GREB1: variants seen among roughly 807,000 people sequenced by gnomAD.
GREB1 encodes growth regulating estrogen receptor binding 1.
GREB1 carries 106 observed loss-of-function variants against 200.7 expected under a neutral mutation model. The ratio of observed to expected loss-of-function variants is 0.53; its 90% confidence interval spans 0.45 to 0.62. The LOEUF (loss-of-function observed/expected upper bound fraction) is 0.62, where lower values mean the gene tolerates loss of function less well. Among genes scored for constraint, GREB1 ranks in the 20% least tolerant of loss-of-function variants. The pLI, the probability that GREB1 is intolerant of heterozygous loss-of-function variation, is 0.00. For missense variants in GREB1, 2,243 were observed against 2,556.8 expected, an observed-to-expected ratio of 0.88 and a Z score of 2.65; for synonymous variants, 1,132 against 1,092.4, an observed-to-expected ratio of 1.04 and a Z score of -0.72.
chr2:11,630,201 G>A, intron 26 of GREB1, 92 bp downstream of exon 26: 7 of 1,245,048 alleles, frequency 5.6e-6, no homozygotes, highest in South Asian at 1.4e-5. Context: ...GTGAGGGAGT[G>A]CAGACACCGA....
At chr2:11,563,861 A>G (rs1677335700) in intron 3 of GREB1, among the ~76,000 whole-genome samples, 1 of 152,150 alleles carries the variant, frequency 6.6e-6, no homozygotes, top group East Asian at 1.9e-4. Flanking sequence ...GGGACGAGAG[A>G]TCCCTGTTTG....
rs1298641502 is a variant in GREB1 at position 11,600,810 on chromosome 2, C to T, written c.2344C>T (p.His782Tyr). 2.5e-6 allele frequency: 4 copies of T among 1,613,540 alleles called. No homozygotes were observed. Among genetic ancestry groups the T allele is most frequent in the African/African-American group, 1.3e-5 (1 of 74,918 alleles). Residue 782 changes from histidine (H) to tyrosine (Y), a missense_variant, in exon 16 of 33, where the codon CAT becomes TAT. By Grantham distance (83) the His-to-Tyr change is moderately conservative. Around this residue, in one of 3 missense-constraint regions of GREB1, gnomAD observed 1,178 missense variants for 1,387.4 expected, o/e 0.85. Transcript: ENST00000381486. The stretch of plus-strand genomic sequence containing the variant: ...CTTCTCCTCCCTCAGTAGCACTGTT[C>T]ATAACCTCTATTCTCAAAGTGACCC... Reference protein sequence around the residue: ...AHWDLVSSTVHNLYSQSDPSV... With the variant: ...AHWDLVSSTVYNLYSQSDPSV...
intron 4 of GREB1, among the ~76,000 whole-genome samples, chr2:11,573,231 C>T (rs1450108946): frequency 6.6e-6 from 1 of 152,152 alleles, no homozygotes. Context: ...CACATAGCCG[C>T]CCAGGACGTG....
Position 11,585,850 on chromosome 2 carries a change from G to T in GREB1, c.1104G>T (p.Val368=). 4 of 1,614,022 alleles carry T rather than the reference G, an allele frequency of 2.5e-6. No individual in the cohort carries two copies. Among genetic ancestry groups the T allele is most frequent in the Non-Finnish European group, 3.4e-6 (4 of 1,180,038 alleles). Residue 368 remains valine, a synonymous_variant, in exon 9 of 33, where the codon GTG becomes GTT. Coordinates refer to ENST00000381486, the MANE Select transcript of GREB1 (RefSeq NM_014668.4). ...TFPVVASGEP[V]SVPDNLLKIC... is the part of the protein sequence containing the mutation. ...CAGTGGTGGCCTCTGGAGAACCAGT[G>T]TCTGTTCCTGACAACTTGCTGAAAA...
chr2:11,502,793 T>G (rs979067791), intron 1 of GREB1, among the ~76,000 whole-genome samples: 2 of 152,216 alleles, frequency 1.3e-5, no homozygotes, highest in African/African-American at 4.8e-5. Flanking sequence ...GCACTTCATA[T>G]AGTGATGTCA....
chr2:11,512,546 T>C (rs13388093), intron 1 of GREB1, among the ~76,000 whole-genome samples: 10,715 of 152,228 alleles, frequency 0.07, 1,205 homozygotes, highest in African/African-American at 0.23. Flanking sequence ...AAAAATGACT[T>C]GTGTGTGTTT....
intron 1 of GREB1, among the ~76,000 whole-genome samples, chr2:11,542,101 G>A (rs1184860150): frequency 6.6e-6 from 1 of 151,916 alleles, no homozygotes; most frequent in Non-Finnish European, 1.5e-5. Context: ...CTTCAGGGCA[G>A]GAACTGTGTC....
chr2:11,621,172 C>T (rs1683982258), intron 23 of GREB1, among the ~76,000 whole-genome samples, 165 bp downstream of exon 23: 1 of 152,132 alleles, frequency 6.6e-6, no homozygotes, highest in African/African-American at 2.4e-5. Context: ...TCATTTTTCT[C>T]AGTATCAGGC....
intron 10 of GREB1, among the ~76,000 whole-genome samples, chr2:11,592,427 C>CAATCAG (rs397698384): frequency 2.0e-5 from 3 of 150,388 alleles, no homozygotes; most frequent in Admixed American, 2.0e-4. Flanking sequence ...TGAGGAATCA[C>CAATCAG]GTTTAACTGT....
At position 11,534,151 on chromosome 2, in the gene GREB1, T is replaced by G. The variant is rs1397892264; in HGVS notation, c.-265T>G. 6.6e-6 allele frequency: 1 copy of G among 152,186 alleles called. No individual in the cohort carries two copies. The highest frequency in any genetic ancestry group is 6.5e-5 in the Admixed American group (1 of 15,280). The allele number at this position is 152,186 out of a possible 1,614,324, so 9.4% of individuals were successfully genotyped here. A position where few individuals can be genotyped will look rare whatever the true frequency, so the allele number is the denominator to read the frequency against. On this transcript the variant is annotated 5_prime_UTR_variant, in exon 1 of 33. Coordinates refer to ENST00000381486, the MANE Select transcript of GREB1 (RefSeq NM_014668.4). ...TTTTCAATGGAAGGCTTGCAGCTCT[T>G]GAGGACCTGCCAAATGGAAGAAGGA... is the stretch of plus-strand genomic sequence containing the variant.
rs1489059864 is a variant in GREB1, at chr2:11,618,420, G to A, written c.3545G>A (p.Ser1182Asn). Reference sequence around the variant, plus strand: ...GGTGAGAAACAGAGGCCCCGGGCAAGTCAGGGGCCACCCTCGGCCATCAGC... The same window carrying A: ...GGTGAGAAACAGAGGCCCCGGGCAAATCAGGGGCCACCCTCGGCCATCAGC... ...APGEKQRPRA[S>N]QGPPSAISRH... is the part of the protein sequence containing the mutation. Residue 1182 changes from serine (S) to asparagine (N), a missense_variant, in exon 22 of 33, where the codon AGT becomes AAT. Ser to Asn is a conservative substitution (Grantham distance 46). Coordinates refer to ENST00000381486, the MANE Select transcript of GREB1 (RefSeq NM_014668.4). 3.1e-6 allele frequency: 5 copies of A among 1,609,308 alleles called. No homozygotes were observed. Among genetic ancestry groups the A allele is most frequent in the South Asian group, 1.1e-5 (1 of 90,544 alleles).
chr2:11,633,595 T>C lies in GREB1; in HGVS notation c.4991+532T>C, dbSNP rs1254667943. On this transcript the variant is annotated intron_variant, in intron 28 of 32. Coordinates refer to ENST00000381486, the MANE Select transcript of GREB1 (RefSeq NM_014668.4). The surrounding 1 kb of genome is among the most constrained non-coding windows in gnomAD (Gnocchi z 4.1). ...AAAAAAAGAAAGAAAAAAATTGTTA[T>C]TGAAGTATAATGCAGAAAATCACAC... Among the ~76,000 whole-genome samples the C allele has an allele frequency of 6.6e-6, 1 of 151,712 alleles. No homozygotes were observed. The highest frequency in any genetic ancestry group is 1.5e-5 in the Non-Finnish European group (1 of 67,932).
chr2:11,634,409 G>A, intron 29 of GREB1, 60 bp downstream of exon 29: 1 of 1,376,240 alleles, frequency 7.3e-7, no homozygotes, highest in Non-Finnish European at 1.0e-6. Flanking sequence ...AGTCCTGAGT[G>A]AGGGCAGCCT....
At chr2:11,605,818 A>G (rs994315112) in intron 17 of GREB1, among the ~76,000 whole-genome samples, 6 of 152,214 alleles carry the variant, frequency 3.9e-5, no homozygotes, top group Non-Finnish European at 7.3e-5. Context: ...ATAGAATACT[A>G]TCGTATGGCC....
intron 4 of GREB1, among the ~76,000 whole-genome samples, chr2:11,568,585 C>T (rs529711584): frequency 1.3e-5 from 2 of 152,264 alleles, no homozygotes; most frequent in African/African-American, 4.8e-5. Flanking sequence ...AGTGAGTACG[C>T]GAGGCCATGC....
intron 1 of GREB1, among the ~76,000 whole-genome samples, chr2:11,483,286 G>A (rs1345174172): frequency 6.6e-6 from 1 of 150,826 alleles, no homozygotes; most frequent in African/African-American, 2.4e-5. Context: ...GTGAGTGCGC[G>A]TGTGCGTGCG....
intron 3 of GREB1, among the ~76,000 whole-genome samples, chr2:11,565,997 T>C (rs189705578): frequency 6.6e-6 from 1 of 151,130 alleles, no homozygotes; most frequent in African/African-American, 2.5e-5. Flanking sequence ...TAACGTGTGA[T>C]CTGTGTCGTG....
In GREB1 at chr2:11,640,466, G is replaced by C. The variant is rs1193808096; in HGVS notation, c.*12G>C. The C allele has an allele frequency of 1.2e-6, 2 of 1,613,832 alleles. No homozygotes were observed. The highest frequency in any genetic ancestry group is 2.7e-5 in the African/African-American group (2 of 74,934). On this transcript the variant is annotated 3_prime_UTR_variant, in exon 33 of 33. Coordinates refer to ENST00000381486, the MANE Select transcript of GREB1 (RefSeq NM_014668.4). This position sits in a 1 kb window ranked among gnomAD's most constrained non-coding sequence, Gnocchi z 4.6. ...GACGACACATCTGAGGAAGACAGCG[G>C]CGAGTTTTCTGAAGAGATGAGTGCT... is the stretch of plus-strand genomic sequence containing the variant.
At chr2:11,611,054 G>A in intron 18 of GREB1, 27 bp downstream of exon 18, 1 of 1,513,346 alleles carries the variant, frequency 6.6e-7, no homozygotes, top group Non-Finnish European at 8.9e-7. Context: ...GGGAGGGGCG[G>A]AGGGCCTGGG....
Sources: allele counts gnomAD v4.1 joint callset (sites outside exome capture counted in the v4.1 genomes callset), GRCh38; gene constraint gnomAD v4.1.1; regional missense constraint gnomAD v4.1.1; non-coding constraint Gnocchi (gnomAD v3.1); transcripts MANE v1.5; gene names NCBI Gene and HGNC (gene_info 2026-07-23, HGNC 2026-07-21).